The following F11 variants were observed in gnomAD, a reference collection of about 807,000 sequenced individuals.
The protein encoded by F11 is coagulation factor XI.
Under a neutral mutation model 76.5 loss-of-function variants are expected in F11, and 78 were observed. The observed-to-expected ratio is 1.02, with a 90% CI of 0.85 to 1.23. F11 has a LOEUF of 1.23. Ranked by LOEUF, F11 falls within the 50% of genes most tolerant of loss-of-function variation. The probability of loss-of-function intolerance (pLI) is 0.00; values close to 1 mark genes in which losing one functional copy is unlikely to be tolerated. For missense variants in F11, 742 were observed against 771.4 expected (o/e 0.96, Z 0.45); for synonymous variants, 278 against 276.3 (o/e 1.01, Z -0.06).
At position 186,274,254 on chromosome 4, in the gene F11, AG is replaced by A. The variant is rs1318570851; in HGVS notation, c.465del (p.Gln155HisfsTer13). ...HCHFFTYATRQFPSLEHRNIC... is the reference protein window; with the variant it reads ...HCHFFTYATRXFPSLEHRNIC... ...CACTTTTTCACGTACGCCACAAGGC[AG>A]TTTCCCAGCCTGGAGCATCGGTGAG... On this transcript the variant is annotated frameshift_variant, in exon 5 of 15. Coordinates refer to ENST00000403665, the MANE Select transcript of F11 (RefSeq NM_000128.4). LOFTEE classifies it high-confidence loss of function. 6.2e-7 allele frequency: 1 copy of A among 1,614,136 alleles called. No individual in the cohort carries two copies. The highest frequency in any genetic ancestry group is 8.5e-7 in the Non-Finnish European group (1 of 1,180,050).
intron 7 of F11, among the ~76,000 whole-genome samples, chr4:186,278,954 C>T (rs778549033): frequency 6.6e-6 from 1 of 152,164 alleles, no homozygotes; most frequent in Admixed American, 6.5e-5. Flanking sequence ...CTAGTCACTG[C>T]TCTTTTTCTT....
At chr4:186,267,297 A>T in intron 2 of F11, 106 bp downstream of exon 2, 1 of 847,836 alleles carries the variant, frequency 1.2e-6, no homozygotes, top group Non-Finnish European at 2.1e-6. Flanking sequence ...AGGAAATAAA[A>T]TGTTTTTATT....
At chr4:186,283,046 G>A (rs1350514230) in intron 10 of F11, 1 of 985,128 alleles carries the variant, frequency 1.0e-6, no homozygotes, top group Admixed American at 6.2e-5. Flanking sequence ...GAGCACCTGA[G>A]CCTGGTTATT....
chr4:186,278,895 T>C (rs754769956), intron 7 of F11, among the ~76,000 whole-genome samples: 1 of 152,192 alleles, frequency 6.6e-6, no homozygotes, highest in Non-Finnish European at 1.5e-5. Context: ...CCTTGGGACA[T>C]TGGAAGTTTA....
chr4:186,286,201 G>A (rs1741196326), intron 12 of F11: 2 of 551,306 alleles, frequency 3.6e-6, no homozygotes, highest in South Asian at 2.0e-5. Flanking sequence ...AGGAGTTAGC[G>A]GTGAGGGTGA....
chr4:186,286,667 A>T (rs1240181257), intron 13 of F11, 157 bp downstream of exon 13: 1 of 985,358 alleles, frequency 1.0e-6, no homozygotes, highest in Admixed American at 6.1e-5. Flanking sequence ...CACCCAAGTG[A>T]GGCTGGTGCC....
intron 5 of F11, 110 bp from the exon 6 acceptor site, chr4:186,275,677 C>G: frequency 1.3e-6 from 1 of 771,646 alleles, no homozygotes; most frequent in Non-Finnish European, 2.2e-6. Flanking sequence ...CAGATGGATG[C>G]TTCGGGGTCT....
chr4:186,274,034 A>G, intron 4 of F11, 82 bp from the exon 5 acceptor site: 1 of 1,518,600 alleles, frequency 6.6e-7, no homozygotes, highest in Non-Finnish European at 9.1e-7. Flanking sequence ...AAAAGTTGAA[A>G]GGATGAGTCA....
chr4:186,274,784 C>A (rs933663597), intron 5 of F11: 2 of 181,746 alleles, frequency 1.1e-5, no homozygotes, highest in Non-Finnish European at 2.4e-5. Flanking sequence ...ATAACCAAAT[C>A]TGTGTTCTCA....
At chr4:186,270,338 T>A (rs1003013916) in intron 2 of F11, among the ~76,000 whole-genome samples, 12 of 152,200 alleles carry the variant, frequency 7.9e-5, no homozygotes, top group Non-Finnish European at 1.6e-4. Flanking sequence ...AAATATTTTT[T>A]AAAAAATTGT....
At chr4:186,269,795 G>A (rs928354989) in intron 2 of F11, among the ~76,000 whole-genome samples, 1 of 152,162 alleles carries the variant, frequency 6.6e-6, no homozygotes, top group African/African-American at 2.4e-5. Flanking sequence ...AATTTTAAAT[G>A]TTAATATGTG....
chr4:186,285,953 A>G lies in F11; in HGVS notation c.1480+140A>G. 8.5e-6 allele frequency: 8 copies of G among 944,180 alleles called. No individual in the cohort carries two copies. In the Middle Eastern group the frequency reaches 1.5e-3, roughly 181 times the overall value. The allele number at this position is 944,180 out of a possible 1,614,324, so 58.5% of individuals were successfully genotyped here. A position where few individuals can be genotyped will look rare whatever the true frequency, so the allele number is the denominator to read the frequency against. ...AGGGAGAGGGCCTGGAATGCTAGTC[A>G]TTCACTCTGCTAAGGCTGACACACT... On this transcript the variant is annotated intron_variant, in intron 12 of 14. Transcript: ENST00000403665.
At chr4:186,273,884 T>C (rs1398395620) in intron 4 of F11, among the ~76,000 whole-genome samples, 1 of 152,322 alleles carries the variant, frequency 6.6e-6, no homozygotes, top group African/African-American at 2.4e-5. Context: ...AGAGGCTAGG[T>C]CAGAAAATCA....
chr4:186,275,869 C>T lies in F11; in HGVS notation c.568C>T (p.Leu190=), dbSNP rs1740324835. The T allele has an allele frequency of 3.7e-6, 6 of 1,612,496 alleles. No individual in the cohort carries two copies. Among genetic ancestry groups the T allele is most frequent in the Non-Finnish European group, 5.1e-6 (6 of 1,179,006 alleles). Residue 190 remains leucine, a synonymous_variant, in exon 6 of 15, where the codon CTG becomes TTG. Coordinates refer to ENST00000403665, the MANE Select transcript of F11 (RefSeq NM_000128.4). ...KLDKVVSGFS[L]KSCALSNLAC... is the part of the protein sequence containing the mutation. ...CGATAAAGTGGTGTCTGGATTTTCA[C>T]TGAAATCCTGTGCACTTTCTAATCT...
intron 10 of F11, 151 bp from the exon 11 acceptor site, chr4:186,283,941 G>A: frequency 8.5e-7 from 1 of 1,182,354 alleles, no homozygotes; most frequent in Non-Finnish European, 1.2e-6. Context: ...TGCATGTTTT[G>A]CTTTGGCAGC....
At chr4:186,283,775 T>C (rs769470619) in intron 10 of F11, among the ~76,000 whole-genome samples, 18 of 152,236 alleles carry the variant, frequency 1.2e-4, no homozygotes, top group Non-Finnish European at 2.5e-4. Flanking sequence ...GTGACGCTGT[T>C]GGTCTGGAGA....
At chr4:186,276,841 G>A (rs1436201189) in intron 7 of F11, among the ~76,000 whole-genome samples, 1 of 151,864 alleles carries the variant, frequency 6.6e-6, no homozygotes, top group African/African-American at 2.4e-5. Flanking sequence ...CACCTGCCTC[G>A]GCCTCCCAAA....
rs1334503227 is a variant in F11, at chr4:186,289,505, G to T, written c.*891G>T. Reference sequence around the variant, plus strand: ...GAGAAAAAACAATTAGGGCGCAAATGGATAGTTACAGTAAAGTCTTCAGCA... The same window carrying T: ...GAGAAAAAACAATTAGGGCGCAAATTGATAGTTACAGTAAAGTCTTCAGCA... On this transcript the variant is annotated 3_prime_UTR_variant, in exon 15 of 15. Coordinates refer to ENST00000403665, the MANE Select transcript of F11 (RefSeq NM_000128.4). Among the ~76,000 whole-genome samples the T allele has an allele frequency of 6.6e-6, 1 of 152,072 alleles. No individual in the cohort carries two copies. Among genetic ancestry groups the T allele is most frequent in the Non-Finnish European group, 1.5e-5 (1 of 68,020 alleles).
Position 186,276,362 on chromosome 4 carries a change from T to G in F11, c.727T>G (p.Ser243Ala). 3 of 1,614,066 alleles carry G rather than the reference T, an allele frequency of 1.9e-6. No homozygotes were observed. Among genetic ancestry groups the G allele is most frequent in the Non-Finnish European group, 2.5e-6 (3 of 1,180,012 alleles). The change falls in exon 7 of 15, where the codon TCC becomes GCC. Residue 243 changes from serine (S) to alanine (A), a missense_variant. By Grantham distance (99) the Ser-to-Ala change is moderately conservative. Transcript: ENST00000403665. ...HPGCLFFTFF[S>A]QEWPKESQRN... Reference sequence around the variant, plus strand: ...CGGTTGCTTGTTTTTTACCTTCTTTTCCCAGGAATGGCCCAAAGAATCTCA... The same window carrying G: ...CGGTTGCTTGTTTTTTACCTTCTTTGCCCAGGAATGGCCCAAAGAATCTCA...
Sources: gnomAD v4.1 joint callset for allele counts (sites outside exome capture counted in the v4.1 genomes callset) on GRCh38, gnomAD v4.1.1 for gene constraint, MANE v1.5 for transcripts, NCBI Gene and HGNC (gene_info 2026-07-23, HGNC 2026-07-21) for gene names.